Variants in ADAMTS10 observed in about 807,000 individuals in gnomAD.
ADAMTS10 encodes A disintegrin and metalloproteinase with thrombospondin motifs 10.
Under a neutral mutation model 135.9 loss-of-function variants are expected in ADAMTS10, and 48 were observed. That is an observed-to-expected ratio of 0.35 (90% CI 0.28 to 0.45). ADAMTS10 has a LOEUF of 0.45. Among genes scored for constraint, ADAMTS10 ranks in the 20% least tolerant of loss-of-function variants. The probability of loss-of-function intolerance (pLI) is 1.00; values close to 1 mark genes in which losing one functional copy is unlikely to be tolerated. For missense variants in ADAMTS10, 1,131 were observed against 1,565.2 expected (o/e 0.72, Z 4.68); for synonymous variants, 621 against 647.5 (o/e 0.96, Z 0.62).
chr19:8,590,093 G>A (rs2042502877), intron 15 of ADAMTS10, 102 bp from the exon 16 acceptor site: 1 of 844,286 alleles, frequency 1.2e-6, no homozygotes, highest in African/African-American at 1.7e-5. Flanking sequence ...GAGGCTAGAG[G>A]CAGGGAGGCC....
intron 25 of ADAMTS10, chr19:8,581,231 C>G (rs2042346385): frequency 8.9e-6 from 3 of 336,478 alleles, no homozygotes; most frequent in African/African-American, 6.8e-5. Flanking sequence ...CTCACCTCAG[C>G]CTCCTAAGTA....
rs1555742274 is a variant in ADAMTS10, at chr19:8,605,152, C to T, written c.295G>A (p.Ala99Thr). 6.2e-7 allele frequency: 1 copy of T among 1,613,976 alleles called. No homozygotes were observed. Among genetic ancestry groups the T allele is most frequent in the Non-Finnish European group, 8.5e-7 (1 of 1,179,940 alleles). Residue 99 changes from alanine (A) to threonine (T), a missense_variant, in exon 4 of 26, where the codon GCA becomes ACA. By Grantham distance (58) the Ala-to-Thr change is moderately conservative. Transcript: ENST00000597188. This position sits in a 1 kb window ranked among gnomAD's most constrained non-coding sequence, Gnocchi z 7.7. ...LNLTRSSRLL[A>T]GHVSVEYWTR... ...CAGTACTCCACGGAGACGTGCCCTGCCAGTAGACGGGAGCTGCGGGTCAGG... is the reference window on the plus strand; with the variant it reads ...CAGTACTCCACGGAGACGTGCCCTGTCAGTAGACGGGAGCTGCGGGTCAGG...
At chr19:8,598,870 G>C (rs545976544) in intron 6 of ADAMTS10, among the ~76,000 whole-genome samples, 2 of 151,214 alleles carry the variant, frequency 1.3e-5, no homozygotes, top group African/African-American at 4.9e-5. Flanking sequence ...CCACTGCACC[G>C]GGCTGGAAAC....
At chr19:8,603,584 AATT>A in intron 5 of ADAMTS10, 141 bp downstream of exon 5, 1 of 1,320,994 alleles carries the variant, frequency 7.6e-7, no homozygotes. Context: ...GGAACTCCAT[AATT>A]ATATCACTGT....
chr19:8,608,955 G>T (rs2042751103), intron 1 of ADAMTS10, among the ~76,000 whole-genome samples: 1 of 150,576 alleles, frequency 6.6e-6, no homozygotes, highest in Non-Finnish European at 1.5e-5. Context: ...TGAGCTGGGG[G>T]TCCAGCCCAC....
intron 19 of ADAMTS10, 47 bp from the exon 20 acceptor site, chr19:8,586,768 C>T: frequency 6.2e-7 from 1 of 1,614,054 alleles, no homozygotes; most frequent in Non-Finnish European, 8.5e-7. Context: ...CTGAAACCGC[C>T]CTCCCCACTG....
intron 12 of ADAMTS10, among the ~76,000 whole-genome samples, chr19:8,595,158 C>A (rs2042587076): frequency 1.3e-5 from 2 of 152,058 alleles, no homozygotes; most frequent in East Asian, 1.9e-4. Context: ...CCTGGCTGAA[C>A]CTTGGTGGCT....
Position 8,589,369 on chromosome 19 carries a change from C to T in ADAMTS10, c.2035-4G>A, listed in dbSNP as rs200668290. 15 of 1,612,034 alleles carry T rather than the reference C, an allele frequency of 9.3e-6. No homozygotes were observed. The highest frequency in any genetic ancestry group is 3.3e-5 in the Admixed American group (2 of 59,994). ...GGACTCGGTCGCAGCCCACGTGCTG[C>T]GTGGAGAAGGCGTGAGTGAGGCGAC... On this transcript the variant is annotated splice_region_variant and splice_polypyrimidine_tract_variant and intron_variant, in intron 17 of 25. Coordinates refer to ENST00000597188, the MANE Select transcript of ADAMTS10 (RefSeq NM_030957.4).
Position 8,605,701 on chromosome 19 carries a change from C to G in ADAMTS10, c.10G>C (p.Ala4Pro), listed in dbSNP as rs143780237. 6.2e-7 allele frequency: 1 copy of G among 1,608,618 alleles called. No homozygotes were observed. The highest frequency in any genetic ancestry group is 8.5e-7 in the Non-Finnish European group (1 of 1,178,690). ...AGGGCCCAGCGGAGGATCTGGCAGG[C>G]GGGAGCCATAGAGGCCACGTGTCCA... MAP[A>P]CQILRWALAL... Residue 4 changes from alanine (A) to proline (P), a missense_variant, in exon 3 of 26, where the codon GCC (alanine) becomes CCC (proline). This residue lies in a region of ADAMTS10 where 306 missense variants were observed against 344.4 expected (regional missense o/e 0.89). Coordinates refer to ENST00000597188, the MANE Select transcript of ADAMTS10 (RefSeq NM_030957.4). This position sits in a 1 kb window ranked among gnomAD's most constrained non-coding sequence, Gnocchi z 7.7.
chr19:8,581,839 CAAAACAAAAAAACAAA>C (rs1161079825), intron 25 of ADAMTS10, among the ~76,000 whole-genome samples: 1 of 121,144 alleles, frequency 8.3e-6, no homozygotes, highest in East Asian at 2.3e-4. Context: ...TGTCACAAAA[CAAAACAAAAAAACAAA>C]AAAACAAAAA....
chr19:8,592,685 G>A, intron 13 of ADAMTS10, 78 bp downstream of exon 13: 1 of 1,401,974 alleles, frequency 7.1e-7, no homozygotes, highest in Non-Finnish European at 9.8e-7. Flanking sequence ...TAGGCCGAAG[G>A]ACAGGCGGGT....
At chr19:8,604,941 A>G in intron 4 of ADAMTS10, 71 bp downstream of exon 4, 1 of 1,456,104 alleles carries the variant, frequency 6.9e-7, no homozygotes, top group Non-Finnish European at 9.4e-7. Context: ...TCTGCCCTCT[A>G]TGTAGAAGTG....
At chr19:8,610,470 C>G (rs1600126991) in intron 1 of ADAMTS10, among the ~76,000 whole-genome samples, 174 bp downstream of exon 1, 1 of 149,730 alleles carries the variant, frequency 6.7e-6, no homozygotes, top group East Asian at 1.9e-4. Context: ...CCACGGCAAC[C>G]CCGGGCGTGA....
chr19:8,600,602 C>T (rs1411433431), intron 6 of ADAMTS10, among the ~76,000 whole-genome samples: 1 of 151,032 alleles, frequency 6.6e-6, no homozygotes, highest in African/African-American at 2.4e-5. Context: ...AGGTTCACGC[C>T]ATTCTCCTGC....
intron 24 of ADAMTS10, 35 bp downstream of exon 24, chr19:8,585,097 C>G (rs1481785158): frequency 4.0e-6 from 6 of 1,489,388 alleles, no homozygotes; most frequent in East Asian, 5.1e-5. Context: ...CAGCCCCTGC[C>G]CTGGCCCCCA....
At position 8,597,143 on chromosome 19, in the gene ADAMTS10, A is replaced by G. The variant is rs1555740448; in HGVS notation, c.895-11T>C. ...GATCTCCAGAGTGGGCTGGGGATGGACAGAGGGAAATGCATGGGCACCCAC... is the reference window on the plus strand; with the variant it reads ...GATCTCCAGAGTGGGCTGGGGATGGGCAGAGGGAAATGCATGGGCACCCAC... On this transcript the variant is annotated splice_polypyrimidine_tract_variant and intron_variant, in intron 7 of 25. Coordinates refer to ENST00000597188, the MANE Select transcript of ADAMTS10 (RefSeq NM_030957.4). 1 of 1,614,050 alleles carries G rather than the reference A, an allele frequency of 6.2e-7. No individual in the cohort carries two copies. Among genetic ancestry groups the G allele is most frequent in the Non-Finnish European group, 8.5e-7 (1 of 1,180,052 alleles).
rs555559991 is a variant in ADAMTS10, at chr19:8,600,697, A to G, written c.810+231T>C. ...GTATTTTTAGTAGAGATGGGGTTTC[A>G]CCGTGTTAGCCAGGATGGTCTCCAT... On this transcript the variant is annotated intron_variant, in intron 6 of 25. Transcript: ENST00000597188. 3.3e-5 allele frequency among the ~76,000 whole-genome samples: 5 copies of G among 151,818 alleles called. No individual in the cohort carries two copies. The South Asian group carries it at 8.4e-4, about 25-fold the overall frequency.
chr19:8,604,687 T>C (rs1055038577), intron 4 of ADAMTS10, among the ~76,000 whole-genome samples: 4 of 151,824 alleles, frequency 2.6e-5, no homozygotes, highest in Non-Finnish European at 4.4e-5. Flanking sequence ...GGTTTCACCA[T>C]GTTGGCCAGG....
At chr19:8,604,783 G>C (rs1467565918) in intron 4 of ADAMTS10, among the ~76,000 whole-genome samples, 6 of 152,038 alleles carry the variant, frequency 3.9e-5, no homozygotes, top group African/African-American at 1.2e-4. Flanking sequence ...ACCATGCCCA[G>C]CCTCGAATTT....
Sources: allele counts gnomAD v4.1 joint callset (sites outside exome capture counted in the v4.1 genomes callset), GRCh38; gene constraint gnomAD v4.1.1; regional missense constraint gnomAD v4.1.1; non-coding constraint Gnocchi (gnomAD v3.1); transcripts MANE v1.5; gene names NCBI Gene and HGNC (gene_info 2026-07-23, HGNC 2026-07-21).